The following OSBPL6 variants were observed in gnomAD, a reference collection of about 807,000 sequenced individuals.
OSBPL6 encodes the protein oxysterol binding protein like 6.
A neutral mutation model predicts 125.8 loss-of-function variants in OSBPL6; 49 were observed. That is an observed-to-expected ratio of 0.39 (90% CI 0.31 to 0.49). The LOEUF (loss-of-function observed/expected upper bound fraction) is 0.49. OSBPL6 is among the 20% of genes least tolerant of loss of function. OSBPL6 has a pLI of 0.88. For synonymous variants in OSBPL6, 394 were observed against 391.8 expected (o/e 1.01, Z -0.07); for missense variants, 986 against 1,135.4 (o/e 0.87, Z 1.89).
At chr2:178,326,919 A>G (rs896505294) in intron 4 of OSBPL6, among the ~76,000 whole-genome samples, 3 of 151,854 alleles carry the variant, frequency 2.0e-5, no homozygotes, top group Admixed American at 1.3e-4. Context: ...CCCCTTCTGG[A>G]GTTAAACTCT....
chr2:178,212,387 T>G (rs1574497016), intron 1 of OSBPL6, among the ~76,000 whole-genome samples: 1 of 152,316 alleles, frequency 6.6e-6, no homozygotes, highest in African/African-American at 2.4e-5. Flanking sequence ...ATACTTCCTA[T>G]CGGTTCAGTG....
Position 178,399,257 on chromosome 2 carries a change from T to G in OSBPL6, c.*3698T>G, listed in dbSNP as rs1009803705. ...ATAAATGGAGTTAAGATTAAAGTAT[T>G]TGGGGTTTTTTTTCCCCAAAAGCTT... On this transcript the variant is annotated 3_prime_UTR_variant, in exon 25 of 25. Coordinates refer to ENST00000190611, the MANE Select transcript of OSBPL6 (RefSeq NM_032523.4). The G allele has an allele frequency of 1.8e-4, 28 of 152,206 alleles. No homozygotes were observed. The highest frequency in any genetic ancestry group is 6.8e-4 in the African/African-American group (28 of 41,454). The allele number at this position is 152,206 out of a possible 1,614,324, so 9.4% of individuals were successfully genotyped here.
At chr2:178,278,446 T>C (rs1168366336) in intron 1 of OSBPL6, among the ~76,000 whole-genome samples, 1 of 152,232 alleles carries the variant, frequency 6.6e-6, no homozygotes, top group Non-Finnish European at 1.5e-5. Flanking sequence ...CTTACTGTTG[T>C]GGATTAATCA....
chr2:178,259,195 GC>G (rs2091979592), intron 1 of OSBPL6, among the ~76,000 whole-genome samples: 1 of 152,096 alleles, frequency 6.6e-6, no homozygotes, highest in Admixed American at 6.5e-5. Flanking sequence ...CGTGCTTCCT[GC>G]CCCCTATTTT....
chr2:178,306,426 A>G, intron 3 of OSBPL6, 140 bp downstream of exon 3: 2 of 610,464 alleles, frequency 3.3e-6, no homozygotes, highest in Non-Finnish European at 5.9e-6. Flanking sequence ...TTCTGTAGGT[A>G]CGTTCATTGA....
intron 15 of OSBPL6, among the ~76,000 whole-genome samples, chr2:178,378,907 T>A (rs1694142189): frequency 6.6e-6 from 1 of 152,214 alleles, no homozygotes; most frequent in African/African-American, 2.4e-5. Flanking sequence ...GGCTCATGCC[T>A]GTAATCCCAA....
rs1376590504 is a variant in OSBPL6 at position 178,383,194 on chromosome 2, A to G, written c.1792A>G (p.Thr598Ala). The G allele has an allele frequency of 6.2e-7, 1 of 1,614,022 alleles. No individual in the cohort carries two copies. The highest frequency in any genetic ancestry group is 1.3e-5 in the African/African-American group (1 of 74,894). ...MPVELNEPLN[T>A]LQHLCEEMEY... The stretch of plus-strand genomic sequence containing the variant: ...TGTGGAGCTAAACGAGCCGCTCAAC[A>G]CCCTGCAGCACCTCTGTGAGGAAAT... The change falls in exon 17 of 25, where the codon ACC becomes GCC. Residue 598 changes from threonine to alanine, a missense_variant. Physicochemically the swap from Thr to Ala is moderately conservative, Grantham distance 58 (BLOSUM62 0). This residue lies in a region of OSBPL6 where 843 missense variants were observed against 997.3 expected (regional missense o/e 0.85). Transcript: ENST00000190611.
intron 12 of OSBPL6, among the ~76,000 whole-genome samples, chr2:178,360,868 T>G (rs1404902707): frequency 6.6e-6 from 1 of 152,244 alleles, no homozygotes; most frequent in African/African-American, 2.4e-5. Context: ...CTCTATTTTA[T>G]GCTAAAAATT....
intron 13 of OSBPL6, among the ~76,000 whole-genome samples, chr2:178,367,174 A>T (rs971875131): frequency 2.6e-5 from 4 of 152,170 alleles, no homozygotes; most frequent in Admixed American, 6.5e-5. Context: ...AAACAATATT[A>T]AAAAATACAG....
chr2:178,216,044 G>C (rs965179622), intron 1 of OSBPL6, among the ~76,000 whole-genome samples: 2 of 152,292 alleles, frequency 1.3e-5, no homozygotes, highest in Non-Finnish European at 2.9e-5. Flanking sequence ...ACTCATTTGA[G>C]GGGGCTGGCT....
intron 1 of OSBPL6, among the ~76,000 whole-genome samples, chr2:178,195,877 A>G (rs1048489473): frequency 6.6e-6 from 1 of 152,192 alleles, no homozygotes; most frequent in African/African-American, 2.4e-5. Flanking sequence ...ATGGTTACAT[A>G]TCACTAAGCT....
intron 1 of OSBPL6, among the ~76,000 whole-genome samples, chr2:178,228,254 G>A (rs998035381): frequency 1.6e-4 from 24 of 152,168 alleles, no homozygotes; most frequent in Admixed American, 4.6e-4. Flanking sequence ...TTTAAGACAC[G>A]GCCGGGCGCG....
chr2:178,259,445 T>A (rs1408332616), intron 1 of OSBPL6, among the ~76,000 whole-genome samples: 1 of 133,194 alleles, frequency 7.5e-6, no homozygotes, highest in Non-Finnish European at 1.6e-5. Flanking sequence ...ATGATCAAAA[T>A]AGTGGTTAAA....
At chr2:178,263,355 G>A (rs2092123163) in intron 1 of OSBPL6, among the ~76,000 whole-genome samples, 1 of 152,200 alleles carries the variant, frequency 6.6e-6, no homozygotes, top group Non-Finnish European at 1.5e-5. Context: ...ACACATGCCT[G>A]TAATCCCAGC....
chr2:178,194,086 G>A (rs544905656), upstream of OSBPL6, among the ~76,000 whole-genome samples: 427 of 152,350 alleles, frequency 2.8e-3, 2 homozygotes, highest in Middle Eastern at 0.01. Flanking sequence ...GAGCGCTGGA[G>A]CCGTTCTGGG....
At chr2:178,256,288 T>C (rs2091885876) in intron 1 of OSBPL6, among the ~76,000 whole-genome samples, 1 of 152,302 alleles carries the variant, frequency 6.6e-6, no homozygotes, top group South Asian at 2.1e-4. Flanking sequence ...TGGTATTTTG[T>C]GGAATTAGAT....
intron 1 of OSBPL6, among the ~76,000 whole-genome samples, chr2:178,208,284 TAAAAAA>T (rs538044941): frequency 8.9e-6 from 1 of 111,764 alleles, no homozygotes; most frequent in African/African-American, 3.4e-5. Context: ...AGACTCTGTC[TAAAAAA>T]AAAAAAAAAG....
intron 1 of OSBPL6, among the ~76,000 whole-genome samples, chr2:178,259,668 C>A (rs334008): frequency 1 from 152,024 of 152,342 alleles, 75,854 homozygotes; most frequent in Middle Eastern, 1. Flanking sequence ...TTAGGGAAGA[C>A]ATATGTAAGA....
chr2:178,240,161 G>A (rs1393257536), intron 1 of OSBPL6, among the ~76,000 whole-genome samples: 2 of 152,114 alleles, frequency 1.3e-5, no homozygotes, highest in African/African-American at 4.8e-5. Flanking sequence ...ATTTTTAACG[G>A]GTACATAGTT....
Sources: gnomAD v4.1 joint callset for allele counts (sites outside exome capture counted in the v4.1 genomes callset) on GRCh38, gnomAD v4.1.1 for gene constraint, gnomAD v4.1.1 regional missense constraint, MANE v1.5 for transcripts, NCBI Gene and HGNC (gene_info 2026-07-23, HGNC 2026-07-21) for gene names.